Variants in NELL1 observed in about 807,000 individuals in gnomAD.
NELL1 encodes neural EGFL like 1, also known as protein kinase C-binding protein NELL1.
A neutral mutation model predicts 107.4 loss-of-function variants in NELL1; 76 were observed. The observed-to-expected ratio is 0.71, with a 90% CI of 0.59 to 0.86. The LOEUF (loss-of-function observed/expected upper bound fraction) is 0.86. Among genes scored for constraint, NELL1 ranks in the 40% least tolerant of loss-of-function variants. The pLI is 0.00. For synonymous variants in NELL1, 353 were observed against 341.2 expected, an observed-to-expected ratio of 1.03 and a Z score of -0.38; for missense variants, 1,024 against 1,005.5, an observed-to-expected ratio of 1.02 and a Z score of -0.25.
intron 4 of NELL1, among the ~76,000 whole-genome samples, chr11:20,865,890 C>G (rs1239323731): frequency 6.6e-6 from 1 of 152,162 alleles, no homozygotes; most frequent in Non-Finnish European, 1.5e-5. Flanking sequence ...CCACAGGACC[C>G]TGACTGTTAC....
intron 14 of NELL1, among the ~76,000 whole-genome samples, chr11:21,343,275 C>G (rs1850615429): frequency 6.6e-6 from 1 of 151,916 alleles, no homozygotes; most frequent in South Asian, 2.1e-4. Context: ...TGCTTCTATG[C>G]AGGATGCATT....
At chr11:21,255,071 G>A (rs1331872766) in intron 14 of NELL1, among the ~76,000 whole-genome samples, 1 of 152,082 alleles carries the variant, frequency 6.6e-6, no homozygotes, top group African/African-American at 2.4e-5. Context: ...AAAGAGACTA[G>A]GTGTCCCATG....
At chr11:20,910,547 CA>C (rs1270485446) in intron 5 of NELL1, among the ~76,000 whole-genome samples, 72 of 152,340 alleles carry the variant, frequency 4.7e-4, no homozygotes, top group African/African-American at 1.7e-3. Context: ...TGAGCAGTCC[CA>C]GGGGGGCCGT....
intron 15 of NELL1, among the ~76,000 whole-genome samples, chr11:21,390,272 A>G (rs1419055702): frequency 4.6e-5 from 7 of 151,538 alleles, no homozygotes. Flanking sequence ...ACAAAGTTTT[A>G]AAAAGTCAAA....
chr11:20,792,891 C>T (rs1362546461), intron 3 of NELL1, among the ~76,000 whole-genome samples: 1 of 151,690 alleles, frequency 6.6e-6, no homozygotes, highest in African/African-American at 2.4e-5. Flanking sequence ...AAGTGAGATG[C>T]CATAGATTTT....
At chr11:21,413,101 C>A (rs147145725) in intron 15 of NELL1, among the ~76,000 whole-genome samples, 75 of 152,150 alleles carry the variant, frequency 4.9e-4, no homozygotes, top group African/African-American at 1.6e-3. Context: ...ACAACAACAA[C>A]AAAAAACCCT....
At chr11:20,829,424 C>T (rs916946647) in intron 3 of NELL1, among the ~76,000 whole-genome samples, 1 of 151,992 alleles carries the variant, frequency 6.6e-6, no homozygotes, top group Non-Finnish European at 1.5e-5. Flanking sequence ...GAAGAGGTTT[C>T]ACTATCTTGG....
At chr11:21,150,153 A>G (rs1038546045) in intron 13 of NELL1, among the ~76,000 whole-genome samples, 2 of 152,190 alleles carry the variant, frequency 1.3e-5, no homozygotes, top group Non-Finnish European at 2.9e-5. Flanking sequence ...TGCTTAGGCT[A>G]CAGAGATGTC....
chr11:20,934,330 G>A (rs1850679031), intron 9 of NELL1, among the ~76,000 whole-genome samples: 1 of 152,200 alleles, frequency 6.6e-6, no homozygotes, highest in Non-Finnish European at 1.5e-5. Flanking sequence ...GCAGATGGTT[G>A]AGGCGTGCAG....
At chr11:21,344,817 G>GA (rs1198291216) in intron 14 of NELL1, among the ~76,000 whole-genome samples, 5 of 151,942 alleles carry the variant, frequency 3.3e-5, no homozygotes, top group Non-Finnish European at 7.4e-5. Flanking sequence ...TTTTGGCTGT[G>GA]AAAATGCTCT....
intron 13 of NELL1, among the ~76,000 whole-genome samples, chr11:21,128,370 C>T (rs1023494893): frequency 2.6e-5 from 4 of 151,892 alleles, no homozygotes. Flanking sequence ...CCCCTTTTGG[C>T]GTTTATTTTC....
At chr11:21,503,305 T>A (rs2133934799) in intron 15 of NELL1, among the ~76,000 whole-genome samples, 1 of 152,324 alleles carries the variant, frequency 6.6e-6, no homozygotes, top group East Asian at 1.9e-4. Context: ...ATGCTATCTG[T>A]TAAAAGAGTA....
At chr11:21,524,874 G>A (rs1855812566) in intron 15 of NELL1, among the ~76,000 whole-genome samples, 1 of 152,164 alleles carries the variant, frequency 6.6e-6, no homozygotes, top group Non-Finnish European at 1.5e-5. Context: ...CATTGGTTAT[G>A]AGGAATGACA....
At chr11:21,420,057 T>C (rs1475730005) in intron 15 of NELL1, among the ~76,000 whole-genome samples, 1 of 152,134 alleles carries the variant, frequency 6.6e-6, no homozygotes, top group Non-Finnish European at 1.5e-5. Context: ...TGTGGGTGTG[T>C]GTGTGTGTAC....
At chr11:21,564,510 C>T (rs1856924872) in intron 17 of NELL1, among the ~76,000 whole-genome samples, 1 of 151,854 alleles carries the variant, frequency 6.6e-6, no homozygotes, top group Non-Finnish European at 1.5e-5. Context: ...ACATCTATAC[C>T]TACATGTACA....
chr11:20,804,729 T>C (rs1857346076), intron 3 of NELL1, among the ~76,000 whole-genome samples: 1 of 152,248 alleles, frequency 6.6e-6, no homozygotes, highest in African/African-American at 2.4e-5. Flanking sequence ...GAATTATCCA[T>C]GTGCTGAGGA....
chr11:21,172,912 G>A (rs1356309545), intron 13 of NELL1, among the ~76,000 whole-genome samples: 1 of 136,266 alleles, frequency 7.3e-6, no homozygotes, highest in East Asian at 2.0e-4. Context: ...TTTGGCAGGT[G>A]TGTGTCTGTC....
chr11:21,505,499 T>A (rs1372949029), intron 15 of NELL1, among the ~76,000 whole-genome samples: 1 of 152,166 alleles, frequency 6.6e-6, no homozygotes, highest in Admixed American at 6.5e-5. Flanking sequence ...CTTTATAAAC[T>A]CATCTCTTCC....
At chr11:20,901,930 T>C (rs1247222980) in intron 5 of NELL1, among the ~76,000 whole-genome samples, 3 of 152,162 alleles carry the variant, frequency 2.0e-5, no homozygotes. Context: ...GACACAGACA[T>C]TGAGTGATGT....
Sources: allele counts gnomAD v4.1 joint callset (sites outside exome capture counted in the v4.1 genomes callset), GRCh38; gene constraint gnomAD v4.1.1; transcripts MANE v1.5; gene names NCBI Gene and HGNC (gene_info 2026-07-23, HGNC 2026-07-21).